Variants in ENOX1 observed in about 807,000 individuals in gnomAD.
ENOX1 encodes candidate growth-related and time keeping constitutive hydroquinone (NADH) oxidase.
In ENOX1, 42 loss-of-function variants were observed where a neutral mutation model predicts 82.5. The observed-to-expected ratio is 0.51, with a 90% CI of 0.40 to 0.66. ENOX1 has a LOEUF of 0.66. ENOX1 is among the 30% of genes least tolerant of loss of function. ENOX1 has a pLI of 0.00. For synonymous variants in ENOX1, 271 were observed against 282.2 expected, an observed-to-expected ratio of 0.96 and a Z score of 0.40; for missense variants, 608 against 811.6, an observed-to-expected ratio of 0.75 and a Z score of 3.05.
At chr13:43,350,167 A>C (rs549940359) in intron 8 of ENOX1, among the ~76,000 whole-genome samples, 1 of 152,228 alleles carries the variant, frequency 6.6e-6, no homozygotes, top group Non-Finnish European at 1.5e-5. Flanking sequence ...TAGAAAATGT[A>C]AATCTTTATA....
chr13:43,232,347 T>A (rs896254065), intron 15 of ENOX1, among the ~76,000 whole-genome samples: 2 of 152,198 alleles, frequency 1.3e-5, no homozygotes, highest in African/African-American at 4.8e-5. Context: ...TTTATTGATA[T>A]GGACATTTGT....
At chr13:43,470,394 A>ATG (rs2058012860) in intron 3 of ENOX1, among the ~76,000 whole-genome samples, 1 of 46,032 alleles carries the variant, frequency 2.2e-5, no homozygotes, top group African/African-American at 4.8e-5. Context: ...ATACGTATAT[A>ATG]TATGTGTATA....
At chr13:43,315,084 C>A (rs527394502) in intron 11 of ENOX1, among the ~76,000 whole-genome samples, 4 of 152,118 alleles carry the variant, frequency 2.6e-5, no homozygotes, top group Non-Finnish European at 5.9e-5. Flanking sequence ...AAAAAATACA[C>A]GGAAAAATAC....
intron 1 of ENOX1, among the ~76,000 whole-genome samples, chr13:43,682,414 A>G (rs545339769): frequency 1.3e-5 from 2 of 152,304 alleles, no homozygotes; most frequent in East Asian, 3.9e-4. Context: ...AGACCTGCAG[A>G]AGGCCACTTT....
At chr13:43,633,754 TAGA>T (rs2083310679) in intron 2 of ENOX1, among the ~76,000 whole-genome samples, 2 of 151,792 alleles carry the variant, frequency 1.3e-5, no homozygotes, top group Non-Finnish European at 2.9e-5. Context: ...TACATATATT[TAGA>T]AGGATAAGAA....
intron 2 of ENOX1, among the ~76,000 whole-genome samples, chr13:43,615,109 G>A (rs571643996): frequency 6.6e-6 from 1 of 152,210 alleles, no homozygotes; most frequent in East Asian, 1.9e-4. Context: ...ATTAAATACT[G>A]AATAATTTAC....
intron 14 of ENOX1, among the ~76,000 whole-genome samples, chr13:43,247,830 T>C (rs1239857504): frequency 1.1e-3 from 3 of 2,698 alleles, no homozygotes; most frequent in African/African-American, 5.1e-3. Context: ...AGATGCAACA[T>C]ATATATATAT....
chr13:43,703,498 C>T (rs150374880), intron 1 of ENOX1, among the ~76,000 whole-genome samples: 3 of 152,132 alleles, frequency 2.0e-5, no homozygotes, highest in African/African-American at 4.8e-5. Context: ...CTCTCTGAAG[C>T]GTCTCTGGGA....
At chr13:43,369,824 G>C (rs890627396) in intron 5 of ENOX1, among the ~76,000 whole-genome samples, 2 of 151,038 alleles carry the variant, frequency 1.3e-5, no homozygotes, top group African/African-American at 2.4e-5. Flanking sequence ...AGGGCAAGGA[G>C]ATCCTCCTGT....
In ENOX1 at chr13:43,746,044, A is replaced by G. The variant is rs192234958; in HGVS notation, c.-285+40608T>C. ...ATATAACCACTTTAAAAATTGAGGT[A>G]TATCTATTTGAATTGACTTGAAGAT... On this transcript the variant is annotated intron_variant, in intron 1 of 16. Coordinates refer to ENST00000690772, the MANE Select transcript of ENOX1 (RefSeq NM_001347969.2). Among the ~76,000 whole-genome samples, 128 of 152,302 alleles carry G rather than the reference A, an allele frequency of 8.4e-4. 1 individual carries two copies. The highest frequency in any genetic ancestry group is 2.7e-3 in the African/African-American group (113 of 41,574).
At chr13:43,590,896 A>G (rs73476099) in intron 2 of ENOX1, among the ~76,000 whole-genome samples, 4,984 of 152,294 alleles carry the variant, frequency 0.033, 266 homozygotes, top group African/African-American at 0.11. Context: ...TGGTCAAAAA[A>G]AAGTATGAGA....
chr13:43,434,937 G>GTTTGTTTTTTTTTTTTT (rs1555273075), intron 3 of ENOX1, among the ~76,000 whole-genome samples: 3 of 75,888 alleles, frequency 4.0e-5, no homozygotes, highest in Non-Finnish European at 4.9e-5. Flanking sequence ...TGTGTGTGTG[G>GTTTGTTTTTTTTTTTTT]TTTTTTTTTT....
At chr13:43,355,662 G>T (rs555516875) in intron 8 of ENOX1, among the ~76,000 whole-genome samples, 1 of 152,298 alleles carries the variant, frequency 6.6e-6, no homozygotes, top group African/African-American at 2.4e-5. Flanking sequence ...GAGAACATGG[G>T]TGAGCATTCT....
intron 15 of ENOX1, among the ~76,000 whole-genome samples, chr13:43,234,108 C>T (rs535617156): frequency 7.9e-5 from 12 of 152,216 alleles, no homozygotes; most frequent in South Asian, 6.2e-4. Context: ...TCTTTATGGA[C>T]GCAAGATTCA....
chr13:43,555,635 G>A (rs2079400548), intron 2 of ENOX1, among the ~76,000 whole-genome samples: 1 of 152,194 alleles, frequency 6.6e-6, no homozygotes, highest in African/African-American at 2.4e-5. Flanking sequence ...ACAGAGGATG[G>A]AGAAAACCTC....
At chr13:43,622,337 C>G (rs1198021579) in intron 2 of ENOX1, among the ~76,000 whole-genome samples, 1 of 152,064 alleles carries the variant, frequency 6.6e-6, no homozygotes, top group Non-Finnish European at 1.5e-5. Context: ...TGTCATATTA[C>G]CAGGGTTGTT....
intron 5 of ENOX1, among the ~76,000 whole-genome samples, chr13:43,376,412 A>G (rs1300123997): frequency 1.3e-5 from 2 of 152,220 alleles, no homozygotes; most frequent in African/African-American, 4.8e-5. Flanking sequence ...AAAGATTGCT[A>G]TAATACACTC....
chr13:43,637,732 A>T (rs1158999655), intron 2 of ENOX1, among the ~76,000 whole-genome samples: 1 of 152,074 alleles, frequency 6.6e-6, no homozygotes, highest in Non-Finnish European at 1.5e-5. Flanking sequence ...TTCATTGCCC[A>T]TGCCTCCCCC....
At chr13:43,492,794 T>C (rs1317162704) in intron 2 of ENOX1, among the ~76,000 whole-genome samples, 1 of 152,240 alleles carries the variant, frequency 6.6e-6, no homozygotes, top group African/African-American at 2.4e-5. Context: ...AATGCAGTGA[T>C]AGTTAATTTT....
Sources: gnomAD v4.1 joint callset for allele counts (sites outside exome capture counted in the v4.1 genomes callset) on GRCh38, gnomAD v4.1.1 for gene constraint, MANE v1.5 for transcripts, NCBI Gene and HGNC (gene_info 2026-07-23, HGNC 2026-07-21) for gene names.